Variants in DEPDC4 observed in about 807,000 individuals in gnomAD.
DEPDC4 encodes the protein DEP domain containing 4.
Under a neutral mutation model 52.0 loss-of-function variants are expected in DEPDC4, and 52 were observed. The observed-to-expected ratio is 1.00, with a 90% CI of 0.80 to 1.26. The LOEUF is 1.26. Among genes scored for constraint, DEPDC4 ranks in the 50% most tolerant of loss-of-function variants. The probability of loss-of-function intolerance (pLI) is 0.00; values close to 1 mark genes in which losing one functional copy is unlikely to be tolerated. For synonymous variants in DEPDC4, 201 were observed against 196.8 expected (o/e 1.02, Z -0.18); for missense variants, 530 against 546.9 (o/e 0.97, Z 0.31).
At chr12:100,267,093 A>G (rs954667529), upstream of DEPDC4, 6 of 1,609,912 alleles carry the variant, frequency 3.7e-6, no homozygotes, top group Non-Finnish European at 4.2e-6. Context: ...GCCCCACCTG[A>G]CACCCGGGGC....
chr12:100,259,896 T>C (rs1039268380), intron 3 of DEPDC4, among the ~76,000 whole-genome samples: 1 of 151,972 alleles, frequency 6.6e-6, no homozygotes, highest in African/African-American at 2.4e-5. Context: ...GTAAGGATAA[T>C]ACTTTTAAAA....
At chr12:100,276,546 C>T in the DEPDC4 span, among the ~76,000 whole-genome samples, 1,316 of 152,168 alleles carry the variant, frequency 8.6e-3, 16 homozygotes, top group African/African-American at 0.028. Flanking sequence ...TTATGTTGCT[C>T]GGGCTGGTCT....
rs1351518275 is a variant in DEPDC4 at position 100,241,723 on chromosome 12, T to C, written c.*169A>G. On this transcript the variant is annotated 3_prime_UTR_variant, in exon 10 of 10. Transcript: ENST00000550587. ...TGAAATTCCTTAATTAATTTCTTTT[T>C]TCGTTTCAGAGAGATGCTGGGGTTA... 4.2e-5 allele frequency: 53 copies of C among 1,264,342 alleles called. No homozygotes were observed. Among genetic ancestry groups the C allele is most frequent in the African/African-American group, 6.2e-5 (4 of 64,564 alleles). 78.3% of individuals were successfully genotyped at this position (1,264,342 alleles called of 1,614,324 possible). A position where few individuals can be genotyped will look rare whatever the true frequency, so the allele number is the denominator to read the frequency against.
the DEPDC4 span, among the ~76,000 whole-genome samples, chr12:100,274,269 A>G: frequency 6.6e-6 from 1 of 152,018 alleles, no homozygotes; most frequent in East Asian, 1.9e-4. Flanking sequence ...TTTGAATAAC[A>G]TGTGCTCCTC....
rs2096159820 is a variant in DEPDC4 at position 100,241,801 on chromosome 12, G to A, written c.*91C>T. On this transcript the variant is annotated 3_prime_UTR_variant, in exon 10 of 10. Coordinates refer to ENST00000550587, the MANE Select transcript of DEPDC4 (RefSeq NM_001364818.2). ...AGATACTGAATTGTCCTTCCCTTCT[G>A]CTTTTCAAACTCCTTGTATGTCAAG... 3 of 1,244,340 alleles carry A rather than the reference G, an allele frequency of 2.4e-6. No individual in the cohort carries two copies. The highest frequency in any genetic ancestry group is 3.1e-6 in the Non-Finnish European group (3 of 967,588). 77.1% of individuals were successfully genotyped at this position (1,244,340 alleles called of 1,614,324 possible).
chr12:100,234,100 C>A (rs2096138021), intron 9 of DEPDC4, among the ~76,000 whole-genome samples: 1 of 142,916 alleles, frequency 7.0e-6, no homozygotes, highest in African/African-American at 2.7e-5. Context: ...GAGTTAGACC[C>A]TGTCTCCAGA....
Position 100,234,517 on chromosome 12 carries a change from T to C in DEPDC4, c.*699+3451A>G, listed in dbSNP as rs114296292. 5.3e-3 allele frequency among the ~76,000 whole-genome samples: 808 copies of C among 152,300 alleles called. 8 individuals carry two copies. The highest frequency in any genetic ancestry group is 0.019 in the African/African-American group (771 of 41,556). On this transcript the variant is annotated intron_variant and NMD_transcript_variant, in intron 9 of 10. Transcript: ENST00000378244. ...ATCAGATATTGACGGTGGGGGCTTC[T>C]TGCTAAACTGACACAGCAGGGTTCT...
the DEPDC4 span, among the ~76,000 whole-genome samples, chr12:100,272,280 T>G: frequency 1.3e-5 from 2 of 152,180 alleles, no homozygotes; most frequent in Non-Finnish European, 1.5e-5. Flanking sequence ...TTTTTCTTCA[T>G]TAATCAAAGG....
intron 9 of DEPDC4, among the ~76,000 whole-genome samples, chr12:100,242,216 TA>T (rs1415523516): frequency 6.6e-6 from 1 of 151,970 alleles, no homozygotes; most frequent in Non-Finnish European, 1.5e-5. Flanking sequence ...TCTTAGCATG[TA>T]CAGTCAACCT....
chr12:100,251,518 C>G lies in DEPDC4; in HGVS notation c.1374+658G>C, dbSNP rs1201428442. Among the ~76,000 whole-genome samples the G allele has an allele frequency of 3.3e-5, 5 of 152,082 alleles. No individual in the cohort carries two copies. The East Asian group carries it at 9.7e-4, about 30-fold the overall frequency. On this transcript the variant is annotated intron_variant, in intron 7 of 9. Transcript: ENST00000550587. ...AATCTCATGGGCTCAACTGACCCTC[C>G]CACCTCAGCCTCCCCAGTAGCTGGG...
intron 7 of DEPDC4, 135 bp downstream of exon 7, chr12:100,252,041 G>A (rs1334520265): frequency 5.2e-6 from 4 of 776,278 alleles, no homozygotes; most frequent in Non-Finnish European, 6.4e-6. Flanking sequence ...TTTTGTGGGT[G>A]TGGGGAGTCA....
intron 7 of DEPDC4, among the ~76,000 whole-genome samples, chr12:100,250,605 G>A (rs2096203671): frequency 6.6e-6 from 1 of 152,158 alleles, no homozygotes; most frequent in South Asian, 2.1e-4. Flanking sequence ...CCTAATGTCT[G>A]TACCATGTGT....
At chr12:100,238,521 T>G (rs889070755), downstream of DEPDC4, among the ~76,000 whole-genome samples, 1 of 148,252 alleles carries the variant, frequency 6.7e-6, no homozygotes, top group Non-Finnish European at 1.5e-5. Context: ...TTTTTTTTTT[T>G]TTTTGCCCAG....
chr12:100,239,703 T>C (rs1001536897), downstream of DEPDC4, among the ~76,000 whole-genome samples: 1 of 152,070 alleles, frequency 6.6e-6, no homozygotes, highest in African/African-American at 2.4e-5. Flanking sequence ...GAATTTTTTT[T>C]CCCCGCAAGA....
intron 4 of DEPDC4, among the ~76,000 whole-genome samples, chr12:100,254,356 T>C (rs569410636): frequency 6.9e-6 from 1 of 144,988 alleles, no homozygotes; most frequent in African/African-American, 2.6e-5. Flanking sequence ...GGCAGCATCT[T>C]ACTCTGTTGC....
At chr12:100,254,565 G>A (rs75430068) in intron 4 of DEPDC4, among the ~76,000 whole-genome samples, 6,299 of 152,064 alleles carry the variant, frequency 0.041, 415 homozygotes, top group African/African-American at 0.14. Flanking sequence ...GGACTCAAGC[G>A]ATCCATCTGC....
chr12:100,254,072 A>G (rs1444630095), intron 4 of DEPDC4, among the ~76,000 whole-genome samples: 1 of 152,024 alleles, frequency 6.6e-6, no homozygotes, highest in African/African-American at 2.4e-5. Context: ...TGAAAATAAG[A>G]TACCAAATAT....
intron 9 of DEPDC4, among the ~76,000 whole-genome samples, chr12:100,232,743 C>T (rs1048781634): frequency 3.3e-5 from 5 of 152,004 alleles, no homozygotes; most frequent in South Asian, 2.1e-4. Flanking sequence ...ATTAGCCAGG[C>T]GTGGTGGCGC....
At chr12:100,264,541 T>C (rs2096265006) in intron 1 of DEPDC4, among the ~76,000 whole-genome samples, 1 of 151,928 alleles carries the variant, frequency 6.6e-6, no homozygotes, top group Non-Finnish European at 1.5e-5. Context: ...TAGCCGAGCG[T>C]GGTGGCATGC....
Sources: gnomAD v4.1 joint callset for allele counts (sites outside exome capture counted in the v4.1 genomes callset) on GRCh38, gnomAD v4.1.1 for gene constraint, MANE v1.5 for transcripts, NCBI Gene and HGNC (gene_info 2026-07-23, HGNC 2026-07-21) for gene names.